The following PCDHGA1 variants were observed in gnomAD, a reference collection of about 807,000 sequenced individuals.
PCDHGA1 encodes the protein protocadherin gamma subfamily A, 1.
In PCDHGA1, 32 loss-of-function variants were observed where a neutral mutation model predicts 58.0. The observed-to-expected ratio is 0.55, with a 90% CI of 0.42 to 0.74. The LOEUF (loss-of-function observed/expected upper bound fraction) is 0.74. Ranked by LOEUF, PCDHGA1 falls within the 30% of genes least tolerant of loss-of-function variation. PCDHGA1 has a pLI of 0.00. For missense variants in PCDHGA1, 1,205 were observed against 1,182.3 expected, an observed-to-expected ratio of 1.02 and a Z score of -0.28; for synonymous variants, 498 against 501.1, an observed-to-expected ratio of 0.99 and a Z score of 0.08.
At chr5:141,378,267 G>C (rs747573302) in intron 1 of PCDHGA1, 4 of 152,292 alleles carry the variant, frequency 2.6e-5, no homozygotes, top group Non-Finnish European at 5.9e-5. Context: ...GCTCATGCCT[G>C]TAATCCCAAC....
intron 1 of PCDHGA1, chr5:141,365,305 C>T (rs753864685): frequency 1.5e-5 from 24 of 1,613,808 alleles, no homozygotes; most frequent in Non-Finnish European, 1.9e-5. Flanking sequence ...AGGATGGAGG[C>T]GCTCTTGTTG....
At chr5:141,403,652 G>C in intron 1 of PCDHGA1, 1 of 1,613,908 alleles carries the variant, frequency 6.2e-7, no homozygotes, top group South Asian at 1.1e-5. Context: ...GACAGTGTTG[G>C]ATACAAATGA....
rs553440220 is a variant in PCDHGA1, at chr5:141,362,413, T to C, written c.2421+29308T>C. 178 of 1,614,024 alleles carry C rather than the reference T, an allele frequency of 1.1e-4. No homozygotes were observed. The highest frequency in any genetic ancestry group is 1.4e-4 in the Non-Finnish European group (170 of 1,179,892). On this transcript the variant is annotated intron_variant, in intron 1 of 3. Coordinates refer to ENST00000517417, the MANE Select transcript of PCDHGA1 (RefSeq NM_018912.3). Reference sequence around the variant, plus strand: ...CTACAACCTGTGTGTTGCCTCACAATCAGCCAAGACAGAGTTCAATTTTCT... The same window carrying C: ...CTACAACCTGTGTGTTGCCTCACAACCAGCCAAGACAGAGTTCAATTTTCT...
intron 1 of PCDHGA1, among the ~76,000 whole-genome samples, chr5:141,382,313 T>G (rs1490254305): frequency 1.3e-5 from 2 of 152,226 alleles, no homozygotes; most frequent in African/African-American, 4.8e-5. Flanking sequence ...TTATATACAC[T>G]GATGTAAATA....
chr5:141,505,089 G>A (rs1562219081), intron 2 of PCDHGA1, among the ~76,000 whole-genome samples: 1 of 152,208 alleles, frequency 6.6e-6, no homozygotes, highest in Non-Finnish European at 1.5e-5. Context: ...TTGAACCCAG[G>A]AGGTGGATGT....
chr5:141,389,790 G>C (rs1328126483), intron 1 of PCDHGA1: 1 of 1,613,470 alleles, frequency 6.2e-7, no homozygotes, highest in South Asian at 1.1e-5. Context: ...CAGGGACGCC[G>C]TCCGCCAGCG....
chr5:141,372,122 T>C, intron 1 of PCDHGA1: 1 of 1,613,748 alleles, frequency 6.2e-7, no homozygotes, highest in Non-Finnish European at 8.5e-7. Context: ...CGCTCTTCGA[T>C]ATGGTGCCGC....
At chr5:141,502,035 G>C (rs1371892057) in intron 2 of PCDHGA1, among the ~76,000 whole-genome samples, 1 of 152,078 alleles carries the variant, frequency 6.6e-6, no homozygotes, top group Non-Finnish European at 1.5e-5. Context: ...CCCGCCGCTT[G>C]CCTGCTCTCC....
Position 141,511,409 on chromosome 5 carries a change from G to C in PCDHGA1, c.*236G>C, listed in dbSNP as rs999907393. On this transcript the variant is annotated 3_prime_UTR_variant, in exon 4 of 4. Coordinates refer to ENST00000517417, the MANE Select transcript of PCDHGA1 (RefSeq NM_018912.3). Reference sequence around the variant, plus strand: ...GGGAACCCCCATCCAATCAACTGCTGTACCCATGGGGGTAGTGGGGTTACT... The same window carrying C: ...GGGAACCCCCATCCAATCAACTGCTCTACCCATGGGGGTAGTGGGGTTACT... The C allele has an allele frequency of 1.1e-6, 1 of 908,516 alleles. No homozygotes were observed. The highest frequency in any genetic ancestry group is 1.7e-5 in the African/African-American group (1 of 59,504). The allele number at this position is 908,516 out of a possible 1,614,324, so 56.3% of individuals were successfully genotyped here.
intron 1 of PCDHGA1, among the ~76,000 whole-genome samples, chr5:141,380,542 T>G (rs182715146): frequency 6.6e-6 from 1 of 152,362 alleles, no homozygotes; most frequent in East Asian, 1.9e-4. Flanking sequence ...TTTGATACAA[T>G]GAGCTTATGT....
intron 1 of PCDHGA1, among the ~76,000 whole-genome samples, chr5:141,452,316 T>C (rs2098738639): frequency 6.6e-6 from 1 of 152,208 alleles, no homozygotes; most frequent in Non-Finnish European, 1.5e-5. Flanking sequence ...ACTCATACTT[T>C]CCTTGTTCCA....
intron 1 of PCDHGA1, among the ~76,000 whole-genome samples, chr5:141,449,909 A>G (rs2098658849): frequency 6.6e-6 from 1 of 151,828 alleles, no homozygotes; most frequent in Non-Finnish European, 1.5e-5. Context: ...TATAGTCCAT[A>G]TTTAAATTCT....
chr5:141,436,998 A>G (rs985067199), intron 1 of PCDHGA1, among the ~76,000 whole-genome samples: 23 of 152,242 alleles, frequency 1.5e-4, no homozygotes, highest in South Asian at 2.1e-4. Flanking sequence ...GTTTACTTCA[A>G]TGGGATCTTA....
intron 1 of PCDHGA1, among the ~76,000 whole-genome samples, chr5:141,450,814 A>ATT (rs755856825): frequency 0.033 from 4,450 of 136,778 alleles, 81 homozygotes; most frequent in Middle Eastern, 0.081. Context: ...TTATTTATTT[A>ATT]ATATTATTAT....
chr5:141,498,045 A>G (rs1368474174), intron 2 of PCDHGA1, among the ~76,000 whole-genome samples: 4 of 152,256 alleles, frequency 2.6e-5, no homozygotes, highest in Non-Finnish European at 4.4e-5. Flanking sequence ...AATTACAAAA[A>G]TAAATGTGAG....
chr5:141,469,992 G>T (rs894673835), intron 1 of PCDHGA1, among the ~76,000 whole-genome samples: 2 of 152,056 alleles, frequency 1.3e-5, no homozygotes, highest in Non-Finnish European at 2.9e-5. Context: ...TTAGCTGGTC[G>T]TCGTGGCACG....
chr5:141,385,483 A>T (rs981503954), intron 1 of PCDHGA1: 8 of 1,423,220 alleles, frequency 5.6e-6, no homozygotes, highest in Non-Finnish European at 7.3e-6. Context: ...TTAATATAGA[A>T]CACATAGGAT....
At chr5:141,409,034 AACT>A in intron 1 of PCDHGA1, 6 of 1,613,992 alleles carry the variant, frequency 3.7e-6, no homozygotes, top group Non-Finnish European at 4.2e-6. Flanking sequence ...TGCTGAGATA[AACT>A]ACTACTTCCG....
chr5:141,371,912 C>T (rs1768180129), intron 1 of PCDHGA1: 11 of 1,613,380 alleles, frequency 6.8e-6, no homozygotes, highest in Non-Finnish European at 9.3e-6. Context: ...CCTACGTGTC[C>T]GTGAGCGCGC....
Sources: gnomAD v4.1 joint callset for allele counts (sites outside exome capture counted in the v4.1 genomes callset) on GRCh38, gnomAD v4.1.1 for gene constraint, MANE v1.5 for transcripts, NCBI Gene and HGNC (gene_info 2026-07-23, HGNC 2026-07-21) for gene names.